The following LARP1 variants were observed in gnomAD, a reference collection of about 807,000 sequenced individuals.
LARP1 encodes la-related protein 1.
LARP1 carries 36 observed loss-of-function variants against 122.7 expected under a neutral mutation model. The observed-to-expected ratio is 0.29, with a 90% CI of 0.22 to 0.39. The LOEUF is 0.39. Ranked by LOEUF, LARP1 falls within the 10% of genes least tolerant of loss-of-function variation. The pLI is 1.00. For missense variants in LARP1, 1,040 were observed against 1,403.6 expected (o/e 0.74, Z 4.14); for synonymous variants, 539 against 528.7 (o/e 1.02, Z -0.27).
Position 154,803,168 on chromosome 5 carries a change from A to G in LARP1, c.2110-122A>G. ...GGGCAGCTGAGAGCCTGGGGACCAGAATTCCACGTATGTCGACGTGGGAGC... is the reference window on the plus strand; with the variant it reads ...GGGCAGCTGAGAGCCTGGGGACCAGGATTCCACGTATGTCGACGTGGGAGC... On this transcript the variant is annotated intron_variant, in intron 11 of 18. Transcript: ENST00000518297. The surrounding 1 kb of genome is among the most constrained non-coding windows in gnomAD (Gnocchi z 4.4). 7.6e-7 allele frequency: 1 copy of G among 1,307,636 alleles called. No individual in the cohort carries two copies. The allele number at this position is 1,307,636 out of a possible 1,614,324, so 81.0% of individuals were successfully genotyped here.
At chr5:154,705,263 CA>C (rs2113266369) in intron 1 of LARP1, among the ~76,000 whole-genome samples, 1 of 152,230 alleles carries the variant, frequency 6.6e-6, no homozygotes, top group African/African-American at 2.4e-5. Context: ...CAACTTACAC[CA>C]GTCAGAATGG....
rs1759526527 is a variant in LARP1 at position 154,814,371 on chromosome 5, A to G, written c.*275A>G. On this transcript the variant is annotated 3_prime_UTR_variant, in exon 19 of 19. Coordinates refer to ENST00000518297, the MANE Select transcript of LARP1 (RefSeq NM_033551.3). Reference sequence around the variant, plus strand: ...GGAAAGGGGGGAGATTTTTATATATATATACATATATATATATCAAGTTTT... The same window carrying G: ...GGAAAGGGGGGAGATTTTTATATATGTATACATATATATATATCAAGTTTT... 1 of 173,860 alleles carries G rather than the reference A, an allele frequency of 5.8e-6. No homozygotes were observed. The highest frequency in any genetic ancestry group is 1.2e-5 in the Non-Finnish European group (1 of 82,536). The allele number at this position is 173,860 out of a possible 1,614,324, so 10.8% of individuals were successfully genotyped here.
At chr5:154,689,953 C>T (rs1310484477) in intron 1 of LARP1, among the ~76,000 whole-genome samples, 1 of 152,112 alleles carries the variant, frequency 6.6e-6, no homozygotes, top group Non-Finnish European at 1.5e-5. Flanking sequence ...GTGGCACGCG[C>T]CTGCTTGAAC....
At position 154,799,675 on chromosome 5, in the gene LARP1, A is replaced by G. The variant is rs556328006; in HGVS notation, c.1462A>G (p.Ile488Val). The change falls in exon 9 of 19, where the codon ATA becomes GTA. Residue 488 changes from isoleucine to valine, a missense_variant. Coordinates refer to ENST00000518297, the MANE Select transcript of LARP1 (RefSeq NM_033551.3). ...ACCAGAAAAGTGGCCTCTTCCCCCA[A>G]TAGTGGATTATTCACAGACTGATTT... ...EEPEKWPLPP[I>V]VDYSQTDFSQ... 1.7e-5 allele frequency: 27 copies of G among 1,614,154 alleles called. No homozygotes were observed. The highest frequency in any genetic ancestry group is 1.6e-4 in the Middle Eastern group (1 of 6,062).
chr5:154,754,961 A>G (rs1753712815), upstream of LARP1, among the ~76,000 whole-genome samples: 1 of 152,148 alleles, frequency 6.6e-6, no homozygotes, highest in Non-Finnish European at 1.5e-5. Context: ...CAGGCCCGGC[A>G]GGCCGCGTGG....
At chr5:154,764,427 G>A (rs1289201629) in intron 1 of LARP1, among the ~76,000 whole-genome samples, 4 of 151,348 alleles carry the variant, frequency 2.6e-5, no homozygotes, top group African/African-American at 9.7e-5. Flanking sequence ...AACATAGTGA[G>A]AGACCCCATC....
chr5:154,732,262 AAG>A (rs1358005406), intron 1 of LARP1, among the ~76,000 whole-genome samples: 32 of 151,986 alleles, frequency 2.1e-4, no homozygotes, highest in Middle Eastern at 3.4e-3. Flanking sequence ...GAACAGAGCA[AAG>A]AGGCAGGGAT....
chr5:154,754,479 C>T (rs951514123), upstream of LARP1, among the ~76,000 whole-genome samples: 1 of 152,168 alleles, frequency 6.6e-6, no homozygotes, highest in African/African-American at 2.4e-5. Context: ...CTCAGAAGTC[C>T]CAATCCAGGG....
Position 154,794,142 on chromosome 5 carries a change from T to C in LARP1, c.1112T>C (p.Val371Ala). The C allele has an allele frequency of 6.2e-7, 1 of 1,614,198 alleles. No individual in the cohort carries two copies. Among genetic ancestry groups the C allele is most frequent in the Non-Finnish European group, 8.5e-7 (1 of 1,180,022 alleles). ...TTTGGCTACCGAAAGTTTGATGGTG[T>C]GGAGGGGCCTCGTACGCCCAAGTAC... ...YQFGYRKFDGVEGPRTPKYMN... is the reference protein window; with the variant it reads ...YQFGYRKFDGAEGPRTPKYMN... The change falls in exon 7 of 19, where the codon GTG (valine) becomes GCG (alanine). Residue 371 changes from valine to alanine, a missense_variant. By Grantham distance (64) the Val-to-Ala change is moderately conservative. This residue lies in a region of LARP1 where 178 missense variants were observed against 178.3 expected (regional missense o/e 1.00). Transcript: ENST00000518297.
chr5:154,737,793 G>C (rs1756993405), intron 1 of LARP1, among the ~76,000 whole-genome samples: 1 of 151,980 alleles, frequency 6.6e-6, no homozygotes, highest in Admixed American at 6.6e-5. Flanking sequence ...GATCTCCTCT[G>C]ATATTCCCGG....
intron 1 of LARP1, among the ~76,000 whole-genome samples, chr5:154,760,439 T>C (rs1754358243): frequency 6.6e-6 from 1 of 152,238 alleles, no homozygotes; most frequent in Non-Finnish European, 1.5e-5. Flanking sequence ...TAGAGCTTTA[T>C]ATATGTGTAG....
chr5:154,708,476 C>T (rs1409664125), upstream of LARP1, among the ~76,000 whole-genome samples: 1 of 152,168 alleles, frequency 6.6e-6, no homozygotes, highest in African/African-American at 2.4e-5. Flanking sequence ...TTTAGAAAGC[C>T]ATTTCACATC....
At chr5:154,763,332 G>T (rs924121615) in intron 1 of LARP1, among the ~76,000 whole-genome samples, 7 of 152,016 alleles carry the variant, frequency 4.6e-5, no homozygotes, top group African/African-American at 1.7e-4. Context: ...AAAGTGCTGG[G>T]ATTACAGATG....
chr5:154,802,605 G>T lies in LARP1; in HGVS notation c.2109+206G>T, dbSNP rs1758438490. On this transcript the variant is annotated intron_variant, in intron 11 of 18. Transcript: ENST00000518297. This position sits in a 1 kb window ranked among gnomAD's most constrained non-coding sequence, Gnocchi z 5.1. ...TGTGTAAACACTGCAAACTCTTCAG[G>T]TGAGGCGGTGGTGATTATTATCCTA... is the stretch of plus-strand genomic sequence containing the variant. Among the ~76,000 whole-genome samples the T allele has an allele frequency of 6.6e-6, 1 of 152,166 alleles. No homozygotes were observed. The highest frequency in any genetic ancestry group is 2.4e-5 in the African/African-American group (1 of 41,444).
upstream of LARP1, among the ~76,000 whole-genome samples, chr5:154,708,246 C>T (rs1755043757): frequency 6.6e-6 from 1 of 152,168 alleles, no homozygotes; most frequent in Non-Finnish European, 1.5e-5. Flanking sequence ...CACTCGTCGC[C>T]CCCATAATTC....
chr5:154,756,974 C>T (rs1753987421), intron 1 of LARP1, among the ~76,000 whole-genome samples: 1 of 148,460 alleles, frequency 6.7e-6, no homozygotes, highest in African/African-American at 2.5e-5. Flanking sequence ...AGGGAGTGGC[C>T]GGCCTGGGCG....
upstream of LARP1, among the ~76,000 whole-genome samples, chr5:154,754,697 A>G (rs1403094517): frequency 1.3e-5 from 2 of 152,160 alleles, no homozygotes; most frequent in African/African-American, 2.4e-5. Flanking sequence ...AGTTGAACCC[A>G]TCTCCGGGTA....
intron 1 of LARP1, among the ~76,000 whole-genome samples, chr5:154,783,492 G>A (rs1582399139): frequency 6.6e-6 from 1 of 152,306 alleles, no homozygotes; most frequent in Non-Finnish European, 1.5e-5. Context: ...AAACTGTCCT[G>A]TTGGCTACAA....
intron 1 of LARP1, among the ~76,000 whole-genome samples, chr5:154,687,512 G>A (rs550107210): frequency 2.1e-4 from 32 of 152,170 alleles, no homozygotes; most frequent in Admixed American, 4.6e-4. Context: ...CTCCCTAGTA[G>A]CTGGGACTAC....
Sources: gnomAD v4.1 joint callset for allele counts (sites outside exome capture counted in the v4.1 genomes callset) on GRCh38, gnomAD v4.1.1 for gene constraint, gnomAD v4.1.1 regional missense constraint, Gnocchi (gnomAD v3.1) non-coding constraint, MANE v1.5 for transcripts, NCBI Gene and HGNC (gene_info 2026-07-23, HGNC 2026-07-21) for gene names.